Variants in RAPGEF5 observed in about 807,000 individuals in gnomAD.
RAPGEF5 encodes the protein Rap guanine nucleotide exchange factor 5, also known as M-Ras-regulated GEF.
In RAPGEF5, 65 loss-of-function variants were observed where a neutral mutation model predicts 125.2. That is an observed-to-expected ratio of 0.52 (90% CI 0.43 to 0.64). The LOEUF (loss-of-function observed/expected upper bound fraction) is 0.64, where lower values mean the gene tolerates loss of function less well. Among genes scored for constraint, RAPGEF5 ranks in the 30% least tolerant of loss-of-function variants. The probability of loss-of-function intolerance (pLI) is 0.00; values close to 1 mark genes in which losing one functional copy is unlikely to be tolerated. For missense variants in RAPGEF5, 958 were observed against 1,048.1 expected, an observed-to-expected ratio of 0.91 and a Z score of 1.19; for synonymous variants, 391 against 385.9, an observed-to-expected ratio of 1.01 and a Z score of -0.16.
chr7:22,215,930 GA>G (rs938295561), intron 9 of RAPGEF5, among the ~76,000 whole-genome samples: 3 of 152,144 alleles, frequency 2.0e-5, no homozygotes, highest in African/African-American at 7.2e-5. Flanking sequence ...CAAAGCAAGG[GA>G]AATGGCTTAC....
At chr7:22,151,262 T>C (rs775477300) in intron 17 of RAPGEF5, among the ~76,000 whole-genome samples, 5 of 152,186 alleles carry the variant, frequency 3.3e-5, no homozygotes, top group African/African-American at 4.8e-5. Context: ...GTTTAAATCT[T>C]TGTCTGCTTA....
At chr7:22,219,765 T>C in intron 9 of RAPGEF5, 101 bp downstream of exon 9, 1 of 1,438,724 alleles carries the variant, frequency 7.0e-7, no homozygotes, top group Non-Finnish European at 9.2e-7. Flanking sequence ...CCCCAAAACC[T>C]AAAGAATTTA....
intron 21 of RAPGEF5, among the ~76,000 whole-genome samples, chr7:22,139,005 C>T (rs1783168622): frequency 6.6e-6 from 1 of 152,038 alleles, no homozygotes; most frequent in Admixed American, 6.6e-5. Context: ...TCTTTTGGGC[C>T]CCTTTAAGGA....
At chr7:22,288,019 C>A (rs1303219044) in intron 6 of RAPGEF5, among the ~76,000 whole-genome samples, 1 of 152,180 alleles carries the variant, frequency 6.6e-6, no homozygotes, top group East Asian at 1.9e-4. Context: ...TTTCTAAATA[C>A]CACTCCAGCA....
rs760535579 is a variant in RAPGEF5, at chr7:22,266,948, A to G, written c.796+16T>C. On this transcript the variant is annotated intron_variant, in intron 7 of 25. Transcript: ENST00000665637. ...AGAATTAGAATCTTCCTCCAGCCCC[A>G]TAAAAGATGACTTACCAGACTTCCT... 6.3e-7 allele frequency: 1 copy of G among 1,599,402 alleles called. No homozygotes were observed. The highest frequency in any genetic ancestry group is 8.6e-7 in the Non-Finnish European group (1 of 1,167,026).
intron 3 of RAPGEF5, among the ~76,000 whole-genome samples, chr7:22,314,400 G>T (rs1363066380): frequency 6.6e-6 from 1 of 152,108 alleles, no homozygotes; most frequent in African/African-American, 2.4e-5. Context: ...CAGTACAAAG[G>T]GGGTCGGTGG....
At chr7:22,311,078 T>G (rs1439101187) in intron 3 of RAPGEF5, among the ~76,000 whole-genome samples, 3 of 152,180 alleles carry the variant, frequency 2.0e-5, no homozygotes, top group Admixed American at 6.5e-5. Flanking sequence ...CAGGGTGGAG[T>G]GCTGTGGTGC....
intron 7 of RAPGEF5, among the ~76,000 whole-genome samples, chr7:22,244,053 C>A (rs1201827236): frequency 6.6e-6 from 1 of 152,136 alleles, no homozygotes; most frequent in African/African-American, 2.4e-5. Context: ...TAGTATTTCT[C>A]TTTCTGTGCC....
At chr7:22,279,045 C>T (rs1306694777) in intron 6 of RAPGEF5, among the ~76,000 whole-genome samples, 1 of 152,150 alleles carries the variant, frequency 6.6e-6, no homozygotes, top group Non-Finnish European at 1.5e-5. Flanking sequence ...AACCTCTTTA[C>T]AAACCACTGA....
At chr7:22,237,467 C>G (rs1252202262) in intron 7 of RAPGEF5, among the ~76,000 whole-genome samples, 1 of 130,064 alleles carries the variant, frequency 7.7e-6, no homozygotes, top group African/African-American at 3.2e-5. Flanking sequence ...AACCTTTAGG[C>G]TTCTCAAAAA....
intron 8 of RAPGEF5, 189 bp from the exon 9 acceptor site, chr7:22,220,180 G>C: frequency 1.5e-6 from 1 of 672,978 alleles, no homozygotes; most frequent in Non-Finnish European, 2.4e-6. Context: ...CATGCCAAAA[G>C]ACTTAAAGTT....
chr7:22,232,059 G>A (rs1044645809), intron 7 of RAPGEF5, among the ~76,000 whole-genome samples: 2 of 152,164 alleles, frequency 1.3e-5, no homozygotes, highest in African/African-American at 2.4e-5. Flanking sequence ...GCAATGAGCA[G>A]GAGAAACATG....
At chr7:22,201,456 G>C (rs1471486401) in intron 9 of RAPGEF5, among the ~76,000 whole-genome samples, 2 of 152,248 alleles carry the variant, frequency 1.3e-5, no homozygotes, top group East Asian at 3.8e-4. Flanking sequence ...ACAGTTTCCA[G>C]AGACGCTTGT....
Position 22,162,593 on chromosome 7 carries a change from A to C in RAPGEF5, c.1284-52T>G, listed in dbSNP as rs1784041985. 3 of 1,485,886 alleles carry C rather than the reference A, an allele frequency of 2.0e-6. No individual in the cohort carries two copies. In the East Asian group the frequency reaches 6.9e-5, roughly 34 times the overall value. 92.0% of individuals were successfully genotyped at this position (1,485,886 alleles called of 1,614,324 possible). The stretch of plus-strand genomic sequence containing the variant: ...TTGTTGAAAATTTTAAAATATGAAG[A>C]CATCCATTTACTCTTATTTTTACAA... On this transcript the variant is annotated intron_variant, in intron 12 of 25. Transcript: ENST00000665637.
chr7:22,255,680 A>T (rs1786741723), intron 7 of RAPGEF5, among the ~76,000 whole-genome samples: 1 of 152,188 alleles, frequency 6.6e-6, no homozygotes. Flanking sequence ...TCTTAGTAAA[A>T]TATTTTGGTA....
chr7:22,346,616 T>A (rs1784229884), intron 1 of RAPGEF5, among the ~76,000 whole-genome samples: 1 of 152,142 alleles, frequency 6.6e-6, no homozygotes, highest in African/African-American at 2.4e-5. Context: ...GTACACCTCA[T>A]AACAGCTGCA....
chr7:22,185,385 C>G (rs566624791), intron 11 of RAPGEF5, among the ~76,000 whole-genome samples: 3 of 152,318 alleles, frequency 2.0e-5, no homozygotes, highest in East Asian at 1.9e-4. Context: ...GTCATCTGGC[C>G]TAAAGCCTCT....
chr7:22,349,933 C>G (rs1020086461), intron 1 of RAPGEF5, among the ~76,000 whole-genome samples: 1 of 152,146 alleles, frequency 6.6e-6, no homozygotes, highest in Admixed American at 6.5e-5. Context: ...AGGTTTCAAT[C>G]TGAAGAAGAC....
At chr7:22,204,652 T>G (rs1384404681) in intron 9 of RAPGEF5, among the ~76,000 whole-genome samples, 1 of 152,222 alleles carries the variant, frequency 6.6e-6, no homozygotes, top group Non-Finnish European at 1.5e-5. Context: ...TTTTGTACAT[T>G]CCTTGGTGTT....
Sources: allele counts gnomAD v4.1 joint callset (sites outside exome capture counted in the v4.1 genomes callset), GRCh38; gene constraint gnomAD v4.1.1; transcripts MANE v1.5; gene names NCBI Gene and HGNC (gene_info 2026-07-23, HGNC 2026-07-21).